Variants in NAV2 observed in about 807,000 individuals in gnomAD.
NAV2 encodes the protein helicase, APC down-regulated 1.
Under a neutral mutation model 223.2 loss-of-function variants are expected in NAV2, and 54 were observed. The ratio of observed to expected loss-of-function variants is 0.24; its 90% CI spans 0.19 to 0.30. The LOEUF is 0.30. Among genes scored for constraint, NAV2 ranks in the 10% least tolerant of loss-of-function variants. The pLI, the probability that NAV2 is intolerant of heterozygous loss-of-function variation, is 1.00. For synonymous variants in NAV2, 1,279 were observed against 1,239.3 expected (o/e 1.03, Z -0.67); for missense variants, 2,806 against 3,147.5 (o/e 0.89, Z 2.60).
chr11:19,889,764 GCCCACAGATAC>G (rs1179622833), intron 5 of NAV2, among the ~76,000 whole-genome samples: 1 of 152,200 alleles, frequency 6.6e-6, no homozygotes, highest in Non-Finnish European at 1.5e-5. Flanking sequence ...AGAGAGTGGA[GCCCACAGATAC>G]CCCAAGTATA....
intron 11 of NAV2, among the ~76,000 whole-genome samples, chr11:20,011,434 T>C (rs1329408870): frequency 6.6e-6 from 1 of 152,244 alleles, no homozygotes; most frequent in Non-Finnish European, 1.5e-5. Context: ...ATTTTGTTTT[T>C]TGAAAGACCA....
At chr11:19,944,464 T>C (rs2046669438) in intron 8 of NAV2, among the ~76,000 whole-genome samples, 1 of 151,996 alleles carries the variant, frequency 6.6e-6, no homozygotes, top group African/African-American at 2.4e-5. Context: ...TCTCTTTCTT[T>C]CTTTTCTCTT....
chr11:19,352,289 A>G (rs959846781), intron 1 of NAV2, among the ~76,000 whole-genome samples: 3 of 152,232 alleles, frequency 2.0e-5, no homozygotes, highest in African/African-American at 7.2e-5. Flanking sequence ...ATAGTTGTGA[A>G]CAGAACCCAG....
chr11:19,559,365 A>G (rs999958966), intron 1 of NAV2, among the ~76,000 whole-genome samples: 2 of 152,198 alleles, frequency 1.3e-5, no homozygotes, highest in African/African-American at 4.8e-5. Flanking sequence ...CCCTTGGCCA[A>G]GTCATTTAAC....
chr11:19,827,568 A>G (rs1238984376), intron 1 of NAV2, among the ~76,000 whole-genome samples: 1 of 152,242 alleles, frequency 6.6e-6, no homozygotes, highest in South Asian at 2.1e-4. Flanking sequence ...GCCAAGGGCC[A>G]GCTTGACTAG....
intron 11 of NAV2, among the ~76,000 whole-genome samples, chr11:19,997,736 A>G (rs549659608): frequency 3.3e-4 from 51 of 152,290 alleles, no homozygotes; most frequent in African/African-American, 1.0e-3. Flanking sequence ...CAGAGACACC[A>G]GGCTGCCCCA....
intron 1 of NAV2, among the ~76,000 whole-genome samples, chr11:19,601,526 A>G (rs1423538624): frequency 2.6e-5 from 4 of 151,926 alleles, no homozygotes; most frequent in African/African-American, 9.7e-5. Context: ...TTTTTCCTTT[A>G]TTCATTTATT....
chr11:19,880,625 C>T (rs187464346), intron 5 of NAV2, among the ~76,000 whole-genome samples: 12 of 152,262 alleles, frequency 7.9e-5, no homozygotes, highest in African/African-American at 1.9e-4. Context: ...TATCGCCTAA[C>T]GGGAGCAGTT....
At chr11:19,753,221 G>A (rs188665294) in intron 1 of NAV2, among the ~76,000 whole-genome samples, 1 of 152,236 alleles carries the variant, frequency 6.6e-6, no homozygotes, top group East Asian at 1.9e-4. Context: ...CACTTCATGA[G>A]TCCTTCACTT....
At chr11:19,484,755 T>C (rs780294462) in intron 1 of NAV2, among the ~76,000 whole-genome samples, 10 of 152,058 alleles carry the variant, frequency 6.6e-5, no homozygotes, top group Non-Finnish European at 1.2e-4. Flanking sequence ...GCTGCTGGGG[T>C]CAGGCAGAGA....
At chr11:20,038,994 C>T (rs966007268) in intron 12 of NAV2, among the ~76,000 whole-genome samples, 7 of 152,162 alleles carry the variant, frequency 4.6e-5, no homozygotes, top group South Asian at 2.1e-4. Context: ...TGAGGAGCAA[C>T]GGAGAATGCC....
intron 3 of NAV2, among the ~76,000 whole-genome samples, chr11:19,864,205 CA>C: frequency 6.6e-6 from 1 of 152,254 alleles, no homozygotes; most frequent in East Asian, 1.9e-4. Context: ...AGGGGCTTGG[CA>C]AAAAACTATT....
At chr11:19,547,474 C>T (rs76930301) in intron 1 of NAV2, among the ~76,000 whole-genome samples, 2,491 of 152,212 alleles carry the variant, frequency 0.016, 72 homozygotes, top group African/African-American at 0.056. Flanking sequence ...CCTTTCCCAC[C>T]ACTGCTCTTT....
At chr11:20,107,571 C>T in intron 35 of NAV2, 93 bp from the exon 36 acceptor site, 1 of 956,398 alleles carries the variant, frequency 1.0e-6, no homozygotes, top group Non-Finnish European at 1.7e-6. Context: ...GTCTAGGGTC[C>T]CTCCTGTGAA....
chr11:19,890,022 C>T (rs2041362947), intron 5 of NAV2, among the ~76,000 whole-genome samples: 1 of 152,154 alleles, frequency 6.6e-6, no homozygotes, highest in Non-Finnish European at 1.5e-5. Context: ...TGCCAGTGTC[C>T]AATCCCTTCA....
At chr11:20,035,015 A>G (rs1483676445) in intron 11 of NAV2, among the ~76,000 whole-genome samples, 4 of 152,182 alleles carry the variant, frequency 2.6e-5, no homozygotes, top group Non-Finnish European at 5.9e-5. Flanking sequence ...TTGAGGGGCC[A>G]TATAGAGAGT....
In NAV2 at chr11:19,718,229, C is replaced by T. The variant is rs116398343; in HGVS notation, c.267+4267C>T. ...TGTGCAGAGAGCTGTTTTAAAGACA[C>T]GCTCTGTGTTTGTTCAGAAACTCTC... is the stretch of plus-strand genomic sequence containing the variant. On this transcript the variant is annotated intron_variant, in intron 1 of 37. Transcript: ENST00000349880. Among the ~76,000 whole-genome samples, 778 of 152,268 alleles carry T rather than the reference C, an allele frequency of 5.1e-3. 8 individuals carry two copies. The highest frequency in any genetic ancestry group is 0.016 in the African/African-American group (678 of 41,552).
chr11:20,100,791 C>T, intron 31 of NAV2, 146 bp from the exon 32 acceptor site: 2 of 641,660 alleles, frequency 3.1e-6, no homozygotes, highest in Non-Finnish European at 2.7e-6. Flanking sequence ...TCTCAGCCTC[C>T]AGTGTTCCTG....
At chr11:19,873,318 A>G (rs2153064213) in intron 4 of NAV2, among the ~76,000 whole-genome samples, 2 of 152,172 alleles carry the variant, frequency 1.3e-5, no homozygotes, top group East Asian at 3.9e-4. Flanking sequence ...AGGCAAATCA[A>G]CTTTTGCTGG....
Sources: allele counts gnomAD v4.1 joint callset (sites outside exome capture counted in the v4.1 genomes callset), GRCh38; gene constraint gnomAD v4.1.1; transcripts MANE v1.5; gene names NCBI Gene and HGNC (gene_info 2026-07-23, HGNC 2026-07-21).